Variants in PLEKHA7 observed in about 807,000 individuals in gnomAD.
The protein encoded by PLEKHA7 is pleckstrin homology domain-containing family A member 7.
Under a neutral mutation model 170.0 loss-of-function variants are expected in PLEKHA7, and 104 were observed. That is an observed-to-expected ratio of 0.61 (90% CI 0.52 to 0.72). The LOEUF (loss-of-function observed/expected upper bound fraction) is 0.72. Among genes scored for constraint, PLEKHA7 ranks in the 30% least tolerant of loss-of-function variants. The pLI is 0.00. For synonymous variants in PLEKHA7, 648 were observed against 660.8 expected (o/e 0.98, Z 0.30); for missense variants, 1,615 against 1,671.7 (o/e 0.97, Z 0.59).
intron 13 of PLEKHA7, among the ~76,000 whole-genome samples, chr11:16,808,108 C>A (rs1048907760): frequency 6.6e-6 from 1 of 152,192 alleles, no homozygotes; most frequent in African/African-American, 2.4e-5. Flanking sequence ...CTGACACTTT[C>A]GGTCTGAGGA....
intron 3 of PLEKHA7, among the ~76,000 whole-genome samples, chr11:16,906,224 T>TAGGAAGGA (rs199992587): frequency 0.083 from 9,628 of 115,822 alleles, 548 homozygotes; most frequent in East Asian, 0.15. Context: ...TAAAATGAGG[T>TAGGAAGGA]AGGAAGGAAG....
chr11:16,941,455 T>C (rs1333190033), intron 3 of PLEKHA7, among the ~76,000 whole-genome samples: 2 of 152,198 alleles, frequency 1.3e-5, no homozygotes, highest in Non-Finnish European at 1.5e-5. Context: ...CACAGGAGAA[T>C]CTGGTTCAAT....
At chr11:16,783,880 G>T in intron 24 of PLEKHA7, 47 bp from the exon 25 acceptor site, 1 of 1,368,738 alleles carries the variant, frequency 7.3e-7, no homozygotes, top group Non-Finnish European at 9.4e-7. Context: ...CAGATGTCTG[G>T]GTTTAGGACT....
intron 3 of PLEKHA7, among the ~76,000 whole-genome samples, chr11:16,905,987 G>C (rs1857634589): frequency 8.3e-6 from 1 of 120,196 alleles, no homozygotes; most frequent in Admixed American, 8.1e-5. Flanking sequence ...TGGAGTGAGG[G>C]ACAGCTCTTC....
At position 16,791,085 on chromosome 11, in the gene PLEKHA7, G is replaced by C; in HGVS notation, c.2860C>G (p.Arg954Gly). ...TCGTCTGACTGCCGCTTGAGGCCCC[G>C]CACAGATGTGTGCCGGATGATGGTG... ...EATIIRHTSV[R>G]GLKRQSDERK... is the part of the protein sequence containing the mutation. The change falls in exon 20 of 27, where the codon CGG (arginine) becomes GGG (glycine). Residue 954 changes from arginine (R) to glycine (G), a missense_variant. Arg to Gly is a moderately radical substitution (Grantham distance 125). Coordinates refer to ENST00000531066, the MANE Select transcript of PLEKHA7 (RefSeq NM_001329630.2). This position sits in a 1 kb window ranked among gnomAD's most constrained non-coding sequence, Gnocchi z 4.5. 2 of 1,614,128 alleles carry C rather than the reference G, an allele frequency of 1.2e-6. No homozygotes were observed. Among genetic ancestry groups the C allele is most frequent in the Non-Finnish European group, 1.7e-6 (2 of 1,180,024 alleles).
Position 16,789,343 on chromosome 11 carries a change from G to C in PLEKHA7, c.3157-47C>G. ...AGAGAGACACAGAACAGCTGGGCTG[G>C]GCACGCAGAGGACAGCCACCCTGCT... On this transcript the variant is annotated intron_variant, in intron 22 of 26. Coordinates refer to ENST00000531066, the MANE Select transcript of PLEKHA7 (RefSeq NM_001329630.2). This position sits in a 1 kb window ranked among gnomAD's most constrained non-coding sequence, Gnocchi z 4.6. 6.4e-7 allele frequency: 1 copy of C among 1,571,390 alleles called. No homozygotes were observed. The highest frequency in any genetic ancestry group is 2.2e-5 in the East Asian group (1 of 44,580).
chr11:16,876,884 G>T (rs1345560225), intron 3 of PLEKHA7, among the ~76,000 whole-genome samples: 2 of 152,064 alleles, frequency 1.3e-5, no homozygotes, highest in Non-Finnish European at 2.9e-5. Context: ...TTTTTGGCAT[G>T]GCAAGAAGTT....
At chr11:16,806,867 G>A (rs1176484519) in intron 13 of PLEKHA7, among the ~76,000 whole-genome samples, 1 of 152,204 alleles carries the variant, frequency 6.6e-6, no homozygotes, top group African/African-American at 2.4e-5. Flanking sequence ...GACACGTGAT[G>A]ATGGAAACAC....
intron 3 of PLEKHA7, among the ~76,000 whole-genome samples, chr11:16,996,522 G>C (rs919596647): frequency 3.3e-5 from 5 of 152,204 alleles, no homozygotes; most frequent in Admixed American, 1.3e-4. Flanking sequence ...AAAGGTTTCA[G>C]GTACACAGGG....
At chr11:16,892,360 C>T (rs1178244457) in intron 3 of PLEKHA7, among the ~76,000 whole-genome samples, 1 of 151,822 alleles carries the variant, frequency 6.6e-6, no homozygotes, top group Non-Finnish European at 1.5e-5. Context: ...AGAAGCCTAG[C>T]AGCAAGAGTA....
chr11:16,983,546 T>A (rs1429909744), intron 3 of PLEKHA7, among the ~76,000 whole-genome samples: 3 of 152,144 alleles, frequency 2.0e-5, no homozygotes. Context: ...GCAGAATTCA[T>A]AGGGCTGCTG....
chr11:16,831,486 GAA>G (rs1851105487), intron 9 of PLEKHA7, among the ~76,000 whole-genome samples: 3 of 152,218 alleles, frequency 2.0e-5, no homozygotes, highest in Admixed American at 2.0e-4. Flanking sequence ...GTTTAGCTAA[GAA>G]AACACAAGCC....
chr11:16,939,478 C>A (rs1860532506), intron 3 of PLEKHA7, among the ~76,000 whole-genome samples: 1 of 151,746 alleles, frequency 6.6e-6, no homozygotes, highest in Non-Finnish European at 1.5e-5. Context: ...TAGATAAAAG[C>A]TATGAAGATT....
Position 16,789,911 on chromosome 11 carries a change from G to A in PLEKHA7, c.3053-33C>T, listed in dbSNP as rs771529807. 4 of 1,581,788 alleles carry A rather than the reference G, an allele frequency of 2.5e-6. No homozygotes were observed. The South Asian group carries it at 4.4e-5, about 18-fold the overall frequency. ...AGGAAAGAGAAGTGCAAGCATGTTTGTGCTGGGGTGGATGGGTCCCTGCTT... is the reference window on the plus strand; with the variant it reads ...AGGAAAGAGAAGTGCAAGCATGTTTATGCTGGGGTGGATGGGTCCCTGCTT... On this transcript the variant is annotated intron_variant, in intron 21 of 26. Transcript: ENST00000531066. This position sits in a 1 kb window ranked among gnomAD's most constrained non-coding sequence, Gnocchi z 4.6.
intron 3 of PLEKHA7, among the ~76,000 whole-genome samples, chr11:16,968,495 C>T (rs1862510986): frequency 6.6e-6 from 1 of 152,210 alleles, no homozygotes; most frequent in African/African-American, 2.4e-5. Flanking sequence ...CCTCTGGATG[C>T]TGTTGTCCAA....
At chr11:16,827,248 T>C (rs1850729930) in intron 9 of PLEKHA7, among the ~76,000 whole-genome samples, 5 of 152,234 alleles carry the variant, frequency 3.3e-5, no homozygotes, top group Admixed American at 3.3e-4. Flanking sequence ...TGTATGTGAA[T>C]AGCAACCTGT....
chr11:16,967,946 C>T (rs991734605), intron 3 of PLEKHA7, among the ~76,000 whole-genome samples: 2 of 152,148 alleles, frequency 1.3e-5, no homozygotes, highest in African/African-American at 2.4e-5. Flanking sequence ...TGACTACCTC[C>T]CATTCTCCCT....
At chr11:16,911,296 C>G (rs1027969505) in intron 3 of PLEKHA7, among the ~76,000 whole-genome samples, 1 of 152,194 alleles carries the variant, frequency 6.6e-6, no homozygotes, top group Non-Finnish European at 1.5e-5. Context: ...TTCAACTTCT[C>G]TAAGGCTGAC....
chr11:16,999,575 G>T (rs1045168357), intron 3 of PLEKHA7, among the ~76,000 whole-genome samples: 10 of 152,034 alleles, frequency 6.6e-5, no homozygotes, highest in Admixed American at 6.5e-5. Flanking sequence ...GGGTAACGGG[G>T]TGTACATTCA....
Sources: allele counts gnomAD v4.1 joint callset (sites outside exome capture counted in the v4.1 genomes callset), GRCh38; gene constraint gnomAD v4.1.1; non-coding constraint Gnocchi (gnomAD v3.1); transcripts MANE v1.5; gene names NCBI Gene and HGNC (gene_info 2026-07-23, HGNC 2026-07-21).